The following GLRA3 variants were observed in gnomAD, a reference collection of about 807,000 sequenced individuals.
GLRA3 encodes glycine receptor alpha 3, also known as glycine receptor subunit alpha-3.
A neutral mutation model predicts 60.4 loss-of-function variants in GLRA3; 44 were observed. The ratio of observed to expected loss-of-function variants is 0.73; its 90% CI spans 0.57 to 0.94. GLRA3 has a LOEUF of 0.94. Ranked by LOEUF, GLRA3 falls within the 40% of genes least tolerant of loss-of-function variation. GLRA3 has a pLI of 0.00. For synonymous variants in GLRA3, 223 were observed against 192.9 expected (o/e 1.16, Z -1.29); for missense variants, 508 against 564.6 (o/e 0.90, Z 1.02).
chr4:174,786,630 G>A (rs1739140106), intron 2 of GLRA3, among the ~76,000 whole-genome samples: 2 of 152,204 alleles, frequency 1.3e-5, no homozygotes, highest in African/African-American at 4.8e-5. Flanking sequence ...ATGACACGGT[G>A]TTGAATATAC....
chr4:174,717,150 T>G (rs1172432840), intron 4 of GLRA3, among the ~76,000 whole-genome samples: 1 of 147,314 alleles, frequency 6.8e-6, no homozygotes, highest in East Asian at 2.0e-4. Context: ...AGGTCGAGAC[T>G]GCAGTGAGCT....
At chr4:174,763,520 G>T (rs1324182407) in intron 3 of GLRA3, among the ~76,000 whole-genome samples, 1 of 152,174 alleles carries the variant, frequency 6.6e-6, no homozygotes, top group Non-Finnish European at 1.5e-5. Context: ...TTACAATTTG[G>T]TTTTTGCGTA....
At chr4:174,742,034 G>A (rs773379344) in intron 3 of GLRA3, among the ~76,000 whole-genome samples, 17 of 152,056 alleles carry the variant, frequency 1.1e-4, no homozygotes, top group Non-Finnish European at 2.1e-4. Flanking sequence ...TGGTTTTTGT[G>A]AGAGTAATGA....
chr4:174,739,920 C>T (rs1017766217), intron 3 of GLRA3, among the ~76,000 whole-genome samples: 2 of 152,180 alleles, frequency 1.3e-5, no homozygotes, highest in African/African-American at 4.8e-5. Context: ...GAACCAGTGA[C>T]TACAATGTAC....
intron 6 of GLRA3, among the ~76,000 whole-genome samples, 177 bp downstream of exon 6, chr4:174,682,625 T>C (rs1734395090): frequency 6.6e-6 from 1 of 152,192 alleles, no homozygotes; most frequent in African/African-American, 2.4e-5. Context: ...ACAGACCAAT[T>C]ATTTAACAAT....
chr4:174,794,514 C>T (rs750347120), intron 1 of GLRA3, among the ~76,000 whole-genome samples: 14 of 152,068 alleles, frequency 9.2e-5, no homozygotes, highest in Non-Finnish European at 1.9e-4. Context: ...ACACTATGCT[C>T]ACTATAATTG....
intron 7 of GLRA3, among the ~76,000 whole-genome samples, chr4:174,673,137 GAATT>G (rs1353929528): frequency 6.6e-6 from 1 of 152,054 alleles, no homozygotes; most frequent in Non-Finnish European, 1.5e-5. Flanking sequence ...TCTCTAATAG[GAATT>G]AATTGATTGT....
rs145782771 is a variant in GLRA3, at chr4:174,802,006, A to G, written c.72-13063T>C. On this transcript the variant is annotated intron_variant, in intron 1 of 9. Transcript: ENST00000274093. ...AGTAATCCAAAGTATCTAGATAAAT[A>G]TTTTTGAAATAAATATTTCAAAAAT... Among the ~76,000 whole-genome samples, 4 of 151,226 alleles carry G rather than the reference A, an allele frequency of 2.6e-5. No homozygotes were observed. In the East Asian group the frequency reaches 7.7e-4, roughly 29 times the overall value.
rs1732542918 is a variant in GLRA3, at chr4:174,638,137, A to T, written c.*5649T>A. On this transcript the variant is annotated 3_prime_UTR_variant, in exon 10 of 10. Transcript: ENST00000274093. Reference sequence around the variant, plus strand: ...ATTAACATTTTTATCATCTAGAGTTATGTCACAATGGAACAGAAGACTGCC... The same window carrying T: ...ATTAACATTTTTATCATCTAGAGTTTTGTCACAATGGAACAGAAGACTGCC... 1 of 152,230 alleles carries T rather than the reference A, an allele frequency of 6.6e-6. No homozygotes were observed. The highest frequency in any genetic ancestry group is 1.5e-5 in the Non-Finnish European group (1 of 68,038). 9.4% of individuals were successfully genotyped at this position (152,230 alleles called of 1,614,324 possible).
chr4:174,676,168 A>G (rs1034292352), intron 7 of GLRA3, among the ~76,000 whole-genome samples: 1 of 152,170 alleles, frequency 6.6e-6, no homozygotes, highest in Non-Finnish European at 1.5e-5. Flanking sequence ...TTATTTCACT[A>G]TATCTTATGC....
At chr4:174,808,224 A>T (rs1456141274) in intron 1 of GLRA3, among the ~76,000 whole-genome samples, 2 of 152,168 alleles carry the variant, frequency 1.3e-5, no homozygotes, top group African/African-American at 2.4e-5. Context: ...TAAGGGTATT[A>T]TTCAGATGTA....
In GLRA3 at chr4:174,828,807, G is replaced by A. The variant is rs750368139; in HGVS notation, c.5C>T (p.Ala2Val). The change falls in exon 1 of 10, where the codon GCC becomes GTC. Residue 2 changes from alanine (A) to valine (V), a missense_variant. This residue lies in a region of GLRA3 where 329 missense variants were observed against 349.3 expected (regional missense o/e 0.94). Transcript: ENST00000274093. M[A>V]HVRHFRTLVS... ...TAATGTCCGAAAGTGTCTCACGTGG[G>A]CCATGATACGGAGAGATATTCACGA... The A allele has an allele frequency of 1.2e-6, 2 of 1,603,482 alleles. No individual in the cohort carries two copies. Among genetic ancestry groups the A allele is most frequent in the South Asian group, 2.2e-5 (2 of 90,886 alleles).
At chr4:174,653,886 T>G (rs1286740648) in intron 9 of GLRA3, among the ~76,000 whole-genome samples, 1 of 152,124 alleles carries the variant, frequency 6.6e-6, no homozygotes. Flanking sequence ...AGAATATAGC[T>G]ATAAGAAATA....
At chr4:174,657,977 T>A (rs781382242) in intron 8 of GLRA3, among the ~76,000 whole-genome samples, 2 of 152,176 alleles carry the variant, frequency 1.3e-5, no homozygotes, top group Non-Finnish European at 2.9e-5. Context: ...AAGTTACTGC[T>A]TTAGAATATG....
intron 5 of GLRA3, among the ~76,000 whole-genome samples, chr4:174,702,543 T>C (rs182518902): frequency 3.3e-5 from 5 of 151,264 alleles, no homozygotes; most frequent in Admixed American, 6.6e-5. Context: ...ATTGGTGAGT[T>C]AGAAAAAAAA....
In GLRA3 at chr4:174,639,929, T is replaced by C. The variant is rs543359048; in HGVS notation, c.*3857A>G. ...AGATGTCTCTTATACAGGTACAAGA[T>C]GCAATGGGTATTATGGGTACTTTAT... On this transcript the variant is annotated 3_prime_UTR_variant, in exon 10 of 10. Transcript: ENST00000274093. 3.3e-5 allele frequency: 5 copies of C among 152,214 alleles called. No individual in the cohort carries two copies. The East Asian group carries it at 9.6e-4, about 29-fold the overall frequency. 9.4% of individuals were successfully genotyped at this position (152,214 alleles called of 1,614,324 possible). A position where few individuals can be genotyped will look rare whatever the true frequency, so the allele number is the denominator to read the frequency against.
At chr4:174,743,395 T>A (rs2111175084) in intron 3 of GLRA3, among the ~76,000 whole-genome samples, 1 of 152,312 alleles carries the variant, frequency 6.6e-6, no homozygotes, top group African/African-American at 2.4e-5. Flanking sequence ...ATAGTCTTTT[T>A]TTTCTTTTTT....
chr4:174,751,061 G>GTCTATCTATCTATCTA (rs901405538), intron 3 of GLRA3, among the ~76,000 whole-genome samples: 2 of 139,464 alleles, frequency 1.4e-5, no homozygotes, highest in African/African-American at 5.4e-5. Flanking sequence ...CTGTCTGTCT[G>GTCTATCTATCTATCTA]TCTATCTATC....
chr4:174,725,641 C>T lies in GLRA3; in HGVS notation c.491+2834G>A, dbSNP rs554330450. Among the ~76,000 whole-genome samples, 107 of 149,398 alleles carry T rather than the reference C, an allele frequency of 7.2e-4. No individual in the cohort carries two copies. In the Middle Eastern group the frequency reaches 0.014, roughly 19 times the overall value. On this transcript the variant is annotated intron_variant, in intron 4 of 9. Transcript: ENST00000274093. Reference sequence around the variant, plus strand: ...GAACACAGGTGAACGCCACCTTGCCCAGCTAATTTTTGTGTTTTTTTGTAG... The same window carrying T: ...GAACACAGGTGAACGCCACCTTGCCTAGCTAATTTTTGTGTTTTTTTGTAG...
Sources: allele counts gnomAD v4.1 joint callset (sites outside exome capture counted in the v4.1 genomes callset), GRCh38; gene constraint gnomAD v4.1.1; regional missense constraint gnomAD v4.1.1; transcripts MANE v1.5; gene names NCBI Gene and HGNC (gene_info 2026-07-23, HGNC 2026-07-21).